Variants in GCC2 observed in about 807,000 individuals in gnomAD.
The protein encoded by GCC2 is GRIP and coiled-coil domain containing 2.
A neutral mutation model predicts 210.6 loss-of-function variants in GCC2; 120 were observed. The observed-to-expected ratio is 0.57, with a 90% CI of 0.49 to 0.66. The LOEUF is 0.66. Ranked by LOEUF, GCC2 falls within the 30% of genes least tolerant of loss-of-function variation. The pLI is 0.00. For missense variants in GCC2, 1,868 were observed against 1,871.9 expected (o/e 1.00, Z 0.04); for synonymous variants, 703 against 652.7 (o/e 1.08, Z -1.17).
chr2:108,507,647 T>G lies in GCC2; in HGVS notation c.*17T>G. On this transcript the variant is annotated 3_prime_UTR_variant, in exon 23 of 23. Coordinates refer to ENST00000309863, the MANE Select transcript of GCC2 (RefSeq NM_181453.4). Reference sequence around the variant, plus strand: ...CTTCGATAGGTTGATGGAAGGAATATTTTTATTAACCAAATAGAATCTATT... The same window carrying G: ...CTTCGATAGGTTGATGGAAGGAATAGTTTTATTAACCAAATAGAATCTATT... The G allele has an allele frequency of 6.7e-7, 1 of 1,491,110 alleles. No individual in the cohort carries two copies. The highest frequency in any genetic ancestry group is 9.2e-7 in the Non-Finnish European group (1 of 1,082,696). 92.4% of individuals were successfully genotyped at this position (1,491,110 alleles called of 1,614,324 possible). A position where few individuals can be genotyped will look rare whatever the true frequency, so the allele number is the denominator to read the frequency against.
chr2:108,477,785 C>T (rs1185128905), intron 9 of GCC2, among the ~76,000 whole-genome samples: 1 of 152,188 alleles, frequency 6.6e-6, no homozygotes, highest in East Asian at 1.9e-4. Context: ...GTTGCTCACG[C>T]CTGTAATTCT....
chr2:108,479,904 C>T (rs1370268601), intron 9 of GCC2, among the ~76,000 whole-genome samples: 7 of 148,646 alleles, frequency 4.7e-5, no homozygotes, highest in Non-Finnish European at 7.4e-5. Flanking sequence ...ATCATTGGAA[C>T]GCGAGAGGCG....
At chr2:108,451,841 C>CTTTT (rs367697586) in intron 3 of GCC2, among the ~76,000 whole-genome samples, 7 of 124,944 alleles carry the variant, frequency 5.6e-5, no homozygotes, top group South Asian at 2.5e-4. Flanking sequence ...CTCTCTCTCT[C>CTTTT]TTTTTTTTTT....
rs111613095 is a variant in GCC2, at chr2:108,470,921, A to G, written c.1592A>G (p.Asp531Gly). The G allele has an allele frequency of 6.2e-7, 1 of 1,613,596 alleles. No individual in the cohort carries two copies. Among genetic ancestry groups the G allele is most frequent in the Non-Finnish European group, 8.5e-7 (1 of 1,179,688 alleles). ...QKLRTAFTEK[D>G]ALLETVNRLQ... ...CTCAGAACTGCTTTTACTGAAAAAG[A>G]TGCCCTTCTCGAAACTGTGAATCGC... Residue 531 changes from aspartate (D) to glycine (G), a missense_variant, in exon 6 of 23, where the codon GAT becomes GGT. Physicochemically the swap from Asp to Gly is moderately conservative, Grantham distance 94. Coordinates refer to ENST00000309863, the MANE Select transcript of GCC2 (RefSeq NM_181453.4).
rs62000420 is a variant in GCC2 at position 108,471,722 on chromosome 2, G to A, written c.2393G>A (p.Cys798Tyr). The A allele has an allele frequency of 1.9e-6, 3 of 1,613,240 alleles. No individual in the cohort carries two copies. Among genetic ancestry groups the A allele is most frequent in the African/African-American group, 1.3e-5 (1 of 74,964 alleles). ...ESLAKINEEKCNLAFQRDEKV... is the reference protein window; with the variant it reads ...ESLAKINEEKYNLAFQRDEKV... ...TTGGCAAAAATAAATGAGGAAAAAT[G>A]CAACCTGGCTTTTCAGCGTGATGAA... Residue 798 changes from cysteine to tyrosine, a missense_variant, in exon 6 of 23, where the codon TGC becomes TAC. Cys to Tyr is a radical substitution (Grantham distance 194). Transcript: ENST00000309863.
rs1558738514 is a variant in GCC2, at chr2:108,469,785, A to G, written c.456A>G (p.Leu152=). 3 of 1,613,926 alleles carry G rather than the reference A, an allele frequency of 1.9e-6. No homozygotes were observed. The change falls in exon 6 of 23, where the codon TTA becomes TTG. Residue 152 remains leucine, a synonymous_variant. Coordinates refer to ENST00000309863, the MANE Select transcript of GCC2 (RefSeq NM_181453.4). ...RSKYSEDKAN[L]QKQLEEAMNT... is the part of the protein sequence containing the mutation. ...AATACAGTGAAGACAAAGCTAACTT[A>G]CAAAAGCAGCTGGAAGAAGCAATGA... is the stretch of plus-strand genomic sequence containing the variant.
chr2:108,449,687 A>G lies in GCC2; in HGVS notation c.61A>G (p.Lys21Glu). ...SPATPGTGKS[K>E]LETLPKEDLI... Reference sequence around the variant, plus strand: ...AGCTACCCCTGGGACCGGGAAATCTAAGGTGAAGAGAATACTTGAATAGCG... The same window carrying G: ...AGCTACCCCTGGGACCGGGAAATCTGAGGTGAAGAGAATACTTGAATAGCG... The change falls in exon 2 of 23, where the codon AAG becomes GAG. Residue 21 changes from lysine to glutamate, a missense_variant and splice_region_variant. Lys to Glu is a moderately conservative substitution (Grantham distance 56). This residue lies in a region of GCC2 where 1,847 missense variants were observed against 1,765.2 expected (regional missense o/e 1.05). Coordinates refer to ENST00000309863, the MANE Select transcript of GCC2 (RefSeq NM_181453.4). The G allele has an allele frequency of 6.2e-7, 1 of 1,612,224 alleles. No individual in the cohort carries two copies. The highest frequency in any genetic ancestry group is 2.2e-5 in the East Asian group (1 of 44,858).
At position 108,486,577 on chromosome 2, in the gene GCC2, C is replaced by T. The variant is rs1304934172; in HGVS notation, c.3859C>T (p.Gln1287Ter). The T allele has an allele frequency of 6.2e-7, 1 of 1,614,000 alleles. No homozygotes were observed. Among genetic ancestry groups the T allele is most frequent in the Non-Finnish European group, 8.5e-7 (1 of 1,179,834 alleles). The change falls in exon 16 of 23, where the codon CAG becomes TAG. Residue 1287 changes from glutamine to a stop codon, truncating the protein, a stop_gained. Transcript: ENST00000309863. LOFTEE classifies it high-confidence loss of function. ...CGAGCACCTGAAAACCTCTGCGGAA[C>T]AGCACCAGCGTACGCTAAGTGCATA... ...IHEHLKTSAEQHQRTLSAYQQ... is the reference protein window; with the variant it reads ...IHEHLKTSAE
At chr2:108,469,178 T>G in intron 5 of GCC2, 94 bp downstream of exon 5, 1 of 625,320 alleles carries the variant, frequency 1.6e-6, no homozygotes, top group East Asian at 2.9e-5. Context: ...TCTAATCTGA[T>G]TAATATTTTA....
intron 4 of GCC2, among the ~76,000 whole-genome samples, chr2:108,461,669 A>AT (rs1416578945): frequency 4.0e-5 from 6 of 150,686 alleles, no homozygotes; most frequent in Non-Finnish European, 7.4e-5. Context: ...TGCCCAGCTA[A>AT]TTTTTTGTAT....
chr2:108,493,750 A>C (rs1014839039), intron 19 of GCC2: 12 of 985,462 alleles, frequency 1.2e-5, no homozygotes, highest in Non-Finnish European at 1.4e-5. Context: ...AGGGTAAAAA[A>C]GCAACTTCAG....
intron 3 of GCC2, 109 bp downstream of exon 3, chr2:108,451,221 C>A (rs1679927094): frequency 3.0e-6 from 2 of 661,436 alleles, no homozygotes; most frequent in Admixed American, 5.3e-5. Context: ...TCCAGTGATT[C>A]CAAGTACACC....
intron 9 of GCC2, among the ~76,000 whole-genome samples, 167 bp from the exon 10 acceptor site, chr2:108,481,530 A>C (rs1009088442): frequency 6.6e-6 from 1 of 152,148 alleles, no homozygotes; most frequent in African/African-American, 2.4e-5. Flanking sequence ...AAGTTACCCA[A>C]AATGTGCTAG....
At position 108,492,779 on chromosome 2, in the gene GCC2, C is replaced by T. The variant is rs1219786909; in HGVS notation, c.4436C>T (p.Pro1479Leu). 1.5e-5 allele frequency: 24 copies of T among 1,608,324 alleles called. No homozygotes were observed. The highest frequency in any genetic ancestry group is 4.5e-5 in the East Asian group (2 of 44,852). ...EAQLFQLKNE[P>L]TTRSPVSSQQ... ...CAGCTCTTCCAGCTTAAGAATGAACCGACCACAAGAAGTATGTATGTACAC... is the reference window on the plus strand; with the variant it reads ...CAGCTCTTCCAGCTTAAGAATGAACTGACCACAAGAAGTATGTATGTACAC... The change falls in exon 19 of 23, where the codon CCG (proline) becomes CTG (leucine). Residue 1479 changes from proline to leucine, a missense_variant. By Grantham distance (98) the Pro-to-Leu change is moderately conservative. Transcript: ENST00000309863.
chr2:108,464,106 T>C (rs573877881), intron 4 of GCC2, among the ~76,000 whole-genome samples: 72 of 151,742 alleles, frequency 4.7e-4, no homozygotes, highest in African/African-American at 1.7e-3. Context: ...GTGGGGTGAG[T>C]GTCCCAGGCC....
At chr2:108,457,747 T>A (rs1486639903) in intron 4 of GCC2, among the ~76,000 whole-genome samples, 4 of 152,260 alleles carry the variant, frequency 2.6e-5, no homozygotes, top group African/African-American at 9.6e-5. Context: ...ATTTCCTTTT[T>A]TAGCTATTTT....
At chr2:108,483,366 C>T (rs887903303) in intron 12 of GCC2, among the ~76,000 whole-genome samples, 200 bp downstream of exon 12, 38 of 151,930 alleles carry the variant, frequency 2.5e-4, no homozygotes, top group African/African-American at 7.5e-4. Flanking sequence ...CGAGATTCCA[C>T]GCATGCGTCA....
rs775266412 is a variant in GCC2, at chr2:108,470,344, G to C, written c.1015G>C (p.Asp339His). 1 of 1,607,870 alleles carries C rather than the reference G, an allele frequency of 6.2e-7. No homozygotes were observed. Among genetic ancestry groups the C allele is most frequent in the East Asian group, 2.2e-5 (1 of 44,782 alleles). ...AAATGAAAAAGTCAAACACTTAGAAGATACCTTAAAAGAACTTGAATCTCA... is the reference window on the plus strand; with the variant it reads ...AAATGAAAAAGTCAAACACTTAGAACATACCTTAAAAGAACTTGAATCTCA... ...VVNEKVKHLEDTLKELESQHS... is the reference protein window; with the variant it reads ...VVNEKVKHLEHTLKELESQHS... The change falls in exon 6 of 23, where the codon GAT (aspartate) becomes CAT (histidine). Residue 339 changes from aspartate to histidine, a missense_variant. Asp to His is a moderately conservative substitution (Grantham distance 81). Coordinates refer to ENST00000309863, the MANE Select transcript of GCC2 (RefSeq NM_181453.4).
At chr2:108,479,439 G>A (rs1681721000) in intron 9 of GCC2, among the ~76,000 whole-genome samples, 1 of 152,154 alleles carries the variant, frequency 6.6e-6, no homozygotes, top group Non-Finnish European at 1.5e-5. Flanking sequence ...TTAGGAGTTT[G>A]AGACCAGCCT....
Sources: allele counts gnomAD v4.1 joint callset (sites outside exome capture counted in the v4.1 genomes callset), GRCh38; gene constraint gnomAD v4.1.1; regional missense constraint gnomAD v4.1.1; transcripts MANE v1.5; gene names NCBI Gene and HGNC (gene_info 2026-07-23, HGNC 2026-07-21).